Variants in CHN2 observed in about 807,000 individuals in gnomAD.
The protein encoded by CHN2 is beta-chimaerin.
A neutral mutation model predicts 56.3 loss-of-function variants in CHN2; 35 were observed. The ratio of observed to expected loss-of-function variants is 0.62; its 90% CI spans 0.47 to 0.82. The LOEUF (loss-of-function observed/expected upper bound fraction) is 0.82. Ranked by LOEUF, CHN2 falls within the 40% of genes least tolerant of loss-of-function variation. CHN2 has a pLI of 0.00. For missense variants in CHN2, 491 were observed against 580.5 expected, an observed-to-expected ratio of 0.85 and a Z score of 1.58; for synonymous variants, 210 against 212.8, an observed-to-expected ratio of 0.99 and a Z score of 0.12.
At chr7:29,194,492 C>G (rs1024690823), upstream of CHN2, 1 of 161,502 alleles carries the variant, frequency 6.2e-6, no homozygotes, top group African/African-American at 2.4e-5. Flanking sequence ...CTCCCGCCGC[C>G]TCTGCCCGGT....
intron 1 of CHN2, among the ~76,000 whole-genome samples, chr7:29,251,731 G>T (rs1423050922): frequency 2.0e-5 from 3 of 152,166 alleles, no homozygotes; most frequent in Admixed American, 1.3e-4. Context: ...GAAATGAAGA[G>T]AAATATGTCA....
At chr7:29,421,305 G>A (rs578008558) in intron 6 of CHN2, among the ~76,000 whole-genome samples, 1 of 152,258 alleles carries the variant, frequency 6.6e-6, no homozygotes, top group African/African-American at 2.4e-5. Context: ...CTACCCAAGG[G>A]CAGACTCCCC....
At chr7:29,317,037 A>G (rs984243740) in intron 1 of CHN2, among the ~76,000 whole-genome samples, 10 of 152,244 alleles carry the variant, frequency 6.6e-5, no homozygotes, top group Admixed American at 6.5e-4. Context: ...TGCTTAAGAC[A>G]TTTTGCACAA....
intron 1 of CHN2, chr7:29,208,953 A>G (rs1784725141): frequency 6.6e-6 from 1 of 152,170 alleles, no homozygotes; most frequent in African/African-American, 2.4e-5. Context: ...TATCTGAAAC[A>G]GAGAAGGGGA....
intron 2 of CHN2, among the ~76,000 whole-genome samples, chr7:29,171,675 GC>G (rs1190044263): frequency 6.6e-6 from 1 of 152,166 alleles, no homozygotes; most frequent in Non-Finnish European, 1.5e-5. Flanking sequence ...TCAGAGTATA[GC>G]AGTTGTTGCA....
chr7:29,262,674 G>C (rs1789658657), intron 1 of CHN2, among the ~76,000 whole-genome samples: 1 of 152,052 alleles, frequency 6.6e-6, no homozygotes, highest in African/African-American at 2.4e-5. Context: ...TAGACTTTCA[G>C]TTTTGCAAAA....
intron 2 of CHN2, among the ~76,000 whole-genome samples, chr7:29,176,666 A>G (rs1010415499): frequency 6.6e-6 from 1 of 152,232 alleles, no homozygotes; most frequent in Non-Finnish European, 1.5e-5. Flanking sequence ...TCTAATATAC[A>G]AGAAAGAATT....
intron 6 of CHN2, among the ~76,000 whole-genome samples, chr7:29,438,801 C>T (rs1259762784): frequency 6.6e-6 from 1 of 152,128 alleles, no homozygotes; most frequent in African/African-American, 2.4e-5. Context: ...TTTAGATAGC[C>T]ATTACTGGTT....
At chr7:29,164,237 T>C (rs532403081) in intron 2 of CHN2, among the ~76,000 whole-genome samples, 1 of 152,226 alleles carries the variant, frequency 6.6e-6, no homozygotes, top group African/African-American at 2.4e-5. Flanking sequence ...ATTTTCCTAA[T>C]GACTAATGAT....
intron 6 of CHN2, among the ~76,000 whole-genome samples, chr7:29,435,112 C>G (rs1307127168): frequency 6.6e-6 from 1 of 151,900 alleles, no homozygotes; most frequent in Non-Finnish European, 1.5e-5. Flanking sequence ...CAAAAACAAG[C>G]AAACAAACAA....
At chr7:29,398,699 T>A (rs778516053) in intron 5 of CHN2, among the ~76,000 whole-genome samples, 4 of 151,636 alleles carry the variant, frequency 2.6e-5, no homozygotes, top group Non-Finnish European at 5.9e-5. Flanking sequence ...CAGGCTCAAG[T>A]GCCTCCCACC....
In CHN2 at chr7:29,212,761, G is replaced by A. The variant is rs556829223; in HGVS notation, c.49+17771G>A. 486 of 1,610,266 alleles carry A rather than the reference G, an allele frequency of 3.0e-4. 5 individuals are homozygous for A. In the South Asian group the frequency reaches 4.8e-3, roughly 16 times the overall value. On this transcript the variant is annotated intron_variant, in intron 1 of 12. Coordinates refer to ENST00000222792, the MANE Select transcript of CHN2 (RefSeq NM_004067.4). ...AGAGAATGAAATCTAAGAGGTGGCA[G>A]AAAAACAACTGGCCGAAGAATAGCA...
At chr7:29,152,513 G>C (rs888795714) in intron 2 of CHN2, among the ~76,000 whole-genome samples, 3 of 152,182 alleles carry the variant, frequency 2.0e-5, no homozygotes, top group African/African-American at 7.2e-5. Context: ...CAAGGAGTCT[G>C]AATGCACTAG....
intron 1 of CHN2, among the ~76,000 whole-genome samples, chr7:29,218,585 A>T (rs1785516369): frequency 1.3e-5 from 2 of 152,308 alleles, no homozygotes; most frequent in African/African-American, 4.8e-5. Context: ...TGGATTAAGA[A>T]AATGTGGCAT....
intron 1 of CHN2, among the ~76,000 whole-genome samples, chr7:29,294,892 C>T (rs1297556348): frequency 6.6e-6 from 1 of 152,064 alleles, no homozygotes; most frequent in Admixed American, 6.5e-5. Context: ...CTTCCCAGAC[C>T]CTTGCAGTCC....
At chr7:29,473,482 T>TGTGTGTGTGTGTTTG (rs1554299029) in intron 6 of CHN2, among the ~76,000 whole-genome samples, 7,034 of 118,256 alleles carry the variant, frequency 0.059, 330 homozygotes, top group East Asian at 0.18. Flanking sequence ...TTTTTTTTTT[T>TGTGTGTGTGTGTTTG]TGTGTGTGTG....
intron 9 of CHN2, among the ~76,000 whole-genome samples, chr7:29,503,693 A>T (rs1790227234): frequency 6.6e-6 from 1 of 152,162 alleles, no homozygotes; most frequent in Admixed American, 6.5e-5. Context: ...CCTAATGAAG[A>T]CCCTTATATA....
intron 1 of CHN2, among the ~76,000 whole-genome samples, chr7:29,255,125 A>AGAGAGGGGCAGAAGAG (rs1302385260): frequency 2.0e-5 from 3 of 152,322 alleles, no homozygotes; most frequent in Non-Finnish European, 4.4e-5. Flanking sequence ...TGATGGTCAT[A>AGAGAGGGGCAGAAGAG]GAGAGGGGCA....
chr7:29,362,600 T>C (rs1437125188), intron 2 of CHN2, among the ~76,000 whole-genome samples: 1 of 152,174 alleles, frequency 6.6e-6, no homozygotes, highest in African/African-American at 2.4e-5. Flanking sequence ...TCCCACGCCC[T>C]GGCTCAGCAG....
Sources: allele counts gnomAD v4.1 joint callset (sites outside exome capture counted in the v4.1 genomes callset), GRCh38; gene constraint gnomAD v4.1.1; transcripts MANE v1.5; gene names NCBI Gene and HGNC (gene_info 2026-07-23, HGNC 2026-07-21).